PLEKHA7: variants seen among roughly 807,000 people sequenced by gnomAD.
The protein encoded by PLEKHA7 is pleckstrin homology domain containing A7.
PLEKHA7 carries 104 observed loss-of-function variants against 170.0 expected under a neutral mutation model. The ratio of observed to expected loss-of-function variants is 0.61; its 90% CI spans 0.52 to 0.72. The LOEUF (loss-of-function observed/expected upper bound fraction) is 0.72, where lower values mean the gene tolerates loss of function less well. PLEKHA7 is among the 30% of genes least tolerant of loss of function. PLEKHA7 has a pLI of 0.00. For synonymous variants in PLEKHA7, 648 were observed against 660.8 expected, an observed-to-expected ratio of 0.98 and a Z score of 0.30; for missense variants, 1,615 against 1,671.7, an observed-to-expected ratio of 0.97 and a Z score of 0.59.
Position 16,931,493 on chromosome 11 carries a change from C to T in PLEKHA7, c.222-60311G>A, listed in dbSNP as rs537524841. On this transcript the variant is annotated intron_variant, in intron 3 of 26. Coordinates refer to ENST00000531066, the MANE Select transcript of PLEKHA7 (RefSeq NM_001329630.2). ...ATCCCAACAGTTTGGGAGGCTGAGG[C>T]GGCCAAATTACTTCAGGTCAGGAGT... 7.2e-5 allele frequency among the ~76,000 whole-genome samples: 11 copies of T among 152,110 alleles called. No homozygotes were observed. The South Asian group carries it at 1.0e-3, about 14-fold the overall frequency.
chr11:16,912,841 C>G (rs189291781), intron 3 of PLEKHA7, among the ~76,000 whole-genome samples: 2 of 152,318 alleles, frequency 1.3e-5, no homozygotes, highest in Non-Finnish European at 2.9e-5. Context: ...CAGACTCTTT[C>G]CTGTGTGACT....
rs902842991 is a variant in PLEKHA7, at chr11:16,779,618, G to C, written c.3794-598C>G. ...ACTTCCCTATGGCTCCTCAACCACGGGGCCTCTACTCCACACCTCCTCAGA... is the reference window on the plus strand; with the variant it reads ...ACTTCCCTATGGCTCCTCAACCACGCGGCCTCTACTCCACACCTCCTCAGA... On this transcript the variant is annotated intron_variant, in intron 26 of 26. Transcript: ENST00000531066. Among the ~76,000 whole-genome samples the C allele has an allele frequency of 2.0e-5, 3 of 152,074 alleles. No homozygotes were observed. The East Asian group carries it at 5.8e-4, about 29-fold the overall frequency.
intron 4 of PLEKHA7, among the ~76,000 whole-genome samples, chr11:16,865,833 CTTCA>C (rs1452906473): frequency 6.6e-6 from 1 of 151,966 alleles, no homozygotes; most frequent in African/African-American, 2.4e-5. Flanking sequence ...CCAACAAATA[CTTCA>C]TTTATTTATT....
chr11:16,916,224 G>A (rs1457352913), intron 3 of PLEKHA7, among the ~76,000 whole-genome samples: 1 of 152,124 alleles, frequency 6.6e-6, no homozygotes, highest in African/African-American at 2.4e-5. Flanking sequence ...GTTTTTTCTT[G>A]TAAATTTGAG....
intron 3 of PLEKHA7, among the ~76,000 whole-genome samples, chr11:16,905,642 AG>A (rs1333644306): frequency 6.6e-6 from 1 of 152,166 alleles, no homozygotes; most frequent in East Asian, 1.9e-4. Context: ...CTGGGTAAGA[AG>A]GCCTCAGAAA....
Position 16,985,760 on chromosome 11 carries a change from A to G in PLEKHA7, c.221+28229T>C, listed in dbSNP as rs370828584. The stretch of plus-strand genomic sequence containing the variant: ...GCTAATGAGGGAGAGACAGAGAGAC[A>G]TTACACAGACTAAGGTGATATGTGG... On this transcript the variant is annotated intron_variant, in intron 3 of 26. Transcript: ENST00000531066. 2.1e-4 allele frequency among the ~76,000 whole-genome samples: 32 copies of G among 152,382 alleles called. No individual in the cohort carries two copies. The South Asian group carries it at 6.4e-3, about 31-fold the overall frequency.
Position 16,794,818 on chromosome 11 carries a change from G to A in PLEKHA7, c.2518+92C>T. ...ACCTCGAAGACTCAACCTCCCCAAG[G>A]GCCATCCCACCCACCTGGTTCCCAG... On this transcript the variant is annotated intron_variant, in intron 18 of 26. Coordinates refer to ENST00000531066, the MANE Select transcript of PLEKHA7 (RefSeq NM_001329630.2). 3.3e-6 allele frequency: 5 copies of A among 1,498,440 alleles called. No homozygotes were observed. The South Asian group carries it at 5.6e-5, about 17-fold the overall frequency. The allele number at this position is 1,498,440 out of a possible 1,614,324, so 92.8% of individuals were successfully genotyped here.
chr11:16,946,925 A>G (rs1466650485), intron 3 of PLEKHA7, among the ~76,000 whole-genome samples: 1 of 152,158 alleles, frequency 6.6e-6, no homozygotes, highest in Non-Finnish European at 1.5e-5. Flanking sequence ...TCTCATTCCA[A>G]CTTTGGAGTT....
At chr11:16,783,597 TG>T in intron 25 of PLEKHA7, 102 bp downstream of exon 25, 1 of 1,260,902 alleles carries the variant, frequency 7.9e-7, no homozygotes, top group South Asian at 2.3e-5. Context: ...GACGAAGACC[TG>T]GCAAAACACG....
chr11:16,899,916 T>C (rs1249799811), intron 3 of PLEKHA7, among the ~76,000 whole-genome samples: 1 of 152,164 alleles, frequency 6.6e-6, no homozygotes, highest in African/African-American at 2.4e-5. Flanking sequence ...CTCTTACTGG[T>C]CCCAGGTGTC....
At position 16,789,827 on chromosome 11, in the gene PLEKHA7, T is replaced by C. The variant is rs774543617; in HGVS notation, c.3104A>G (p.Tyr1035Cys). The change falls in exon 22 of 27, where the codon TAC (tyrosine) becomes TGC (cysteine). Residue 1035 changes from tyrosine (Y) to cysteine (C), a missense_variant. Physicochemically the swap from Tyr to Cys is radical, Grantham distance 194. Coordinates refer to ENST00000531066, the MANE Select transcript of PLEKHA7 (RefSeq NM_001329630.2). This position sits in a 1 kb window ranked among gnomAD's most constrained non-coding sequence, Gnocchi z 4.6. Reference protein sequence around the residue: ...RLQQSSTIAPYVTLRRGLNAE... With the variant: ...RLQQSSTIAPCVTLRRGLNAE... ...ATTGAGACCCCTCCGGAGTGTGACG[T>C]AGGGAGCAATGGTGGACGACTGCTG... 4.3e-5 allele frequency: 70 copies of C among 1,613,976 alleles called. No individual in the cohort carries two copies. Among genetic ancestry groups the C allele is most frequent in the Admixed American group, 8.3e-5 (5 of 59,988 alleles).
chr11:16,855,836 G>A lies in PLEKHA7; in HGVS notation c.384C>T (p.Thr128=), dbSNP rs755967298. 38 of 1,613,882 alleles carry A rather than the reference G, an allele frequency of 2.4e-5. No individual in the cohort carries two copies. Among genetic ancestry groups the A allele is most frequent in the Middle Eastern group, 1.6e-4 (1 of 6,082 alleles). The change falls in exon 5 of 27, where the codon ACC becomes ACT. Residue 128 remains threonine, a synonymous_variant. Coordinates refer to ENST00000531066, the MANE Select transcript of PLEKHA7 (RefSeq NM_001329630.2). ...CAGGCTTGGCCTCCAGGGTGGAGGC[G>A]GTCCCAGCCGTGGATGTTTCACTGA... The part of the protein sequence containing the change: ...SMVSETSTAG[T]ASTLEAKPGP...
intron 13 of PLEKHA7, among the ~76,000 whole-genome samples, chr11:16,804,302 G>A (rs551313978): frequency 1.3e-5 from 2 of 152,222 alleles, no homozygotes; most frequent in African/African-American, 2.4e-5. Context: ...GACAGGTGGT[G>A]TGTGTGTGCT....
intron 3 of PLEKHA7, among the ~76,000 whole-genome samples, chr11:16,883,941 T>C (rs1278806778): frequency 6.6e-6 from 1 of 152,220 alleles, no homozygotes; most frequent in Non-Finnish European, 1.5e-5. Context: ...GTTTCTTGTA[T>C]ATCCTTTTCG....
intron 3 of PLEKHA7, among the ~76,000 whole-genome samples, chr11:16,914,093 AT>A (rs1213601649): frequency 6.6e-6 from 1 of 152,232 alleles, no homozygotes; most frequent in Non-Finnish European, 1.5e-5. Flanking sequence ...CTTAAGGAAT[AT>A]GTAATGATCT....
chr11:16,786,097 C>T, intron 24 of PLEKHA7, 132 bp downstream of exon 24: 1 of 1,050,558 alleles, frequency 9.5e-7, no homozygotes, highest in Non-Finnish European at 1.3e-6. Context: ...GCTATCCATC[C>T]ATCCTCCTAG....
chr11:16,815,783 T>C (rs932991975), intron 12 of PLEKHA7, among the ~76,000 whole-genome samples: 1 of 152,024 alleles, frequency 6.6e-6, no homozygotes, highest in East Asian at 1.9e-4. Context: ...CCCAAAGTGG[T>C]AGGATTACAA....
At chr11:16,956,934 G>C (rs1174896359) in intron 3 of PLEKHA7, among the ~76,000 whole-genome samples, 4 of 152,214 alleles carry the variant, frequency 2.6e-5, no homozygotes, top group Non-Finnish European at 4.4e-5. Flanking sequence ...AGACAGCCCA[G>C]ATGATCCCAA....
Position 16,794,643 on chromosome 11 carries a change from G to C in PLEKHA7, c.2590C>G (p.Pro864Ala). 1.9e-6 allele frequency: 3 copies of C among 1,614,040 alleles called. No individual in the cohort carries two copies. Among genetic ancestry groups the C allele is most frequent in the Non-Finnish European group, 2.5e-6 (3 of 1,179,994 alleles). ...SLSTSESKPPPQPSPPTSPVR... is the reference protein window; with the variant it reads ...SLSTSESKPPAQPSPPTSPVR... ...GGGCTGGTGGGAGGACTGGGCTGTG[G>C]GGGCGGCTTGCTCTCAGAAGTTGAG... Residue 864 changes from proline (P) to alanine (A), a missense_variant, in exon 19 of 27, where the codon CCA becomes GCA. By Grantham distance (27) the Pro-to-Ala change is conservative (BLOSUM62 -1). Coordinates refer to ENST00000531066, the MANE Select transcript of PLEKHA7 (RefSeq NM_001329630.2).
Sources: allele counts gnomAD v4.1 joint callset (sites outside exome capture counted in the v4.1 genomes callset), GRCh38; gene constraint gnomAD v4.1.1; non-coding constraint Gnocchi (gnomAD v3.1); transcripts MANE v1.5; gene names NCBI Gene and HGNC (gene_info 2026-07-23, HGNC 2026-07-21).